LUZP1: variants seen among roughly 807,000 people sequenced by gnomAD.
The protein encoded by LUZP1 is filamin mechanobinding actin cross-linking protein.
Under a neutral mutation model 71.3 loss-of-function variants are expected in LUZP1, and 25 were observed. That is an observed-to-expected ratio of 0.35 (90% CI 0.26 to 0.49). The LOEUF (loss-of-function observed/expected upper bound fraction) is 0.49, where lower values mean the gene tolerates loss of function less well. LUZP1 is among the 20% of genes least tolerant of loss of function. LUZP1 has a pLI of 0.99. For synonymous variants in LUZP1, 481 were observed against 506.4 expected, an observed-to-expected ratio of 0.95 and a Z score of 0.67; for missense variants, 1,142 against 1,300.8, an observed-to-expected ratio of 0.88 and a Z score of 1.88.
rs527808055 is a variant in LUZP1, at chr1:23,107,692, C to T, written c.-120+1330G>A. ...TGGCACACACCTGTAATCCCAGCTA[C>T]TCGGGAGGCTGAGACAGGAGAATCG... On this transcript the variant is annotated intron_variant, in intron 3 of 4. Transcript: ENST00000302291. Among the ~76,000 whole-genome samples, 3 of 152,270 alleles carry T rather than the reference C, an allele frequency of 2.0e-5. No homozygotes were observed. In the South Asian group the frequency reaches 6.3e-4, roughly 32 times the overall value.
At chr1:23,086,343 C>T (rs1643765928) in exon 5 of LUZP1, 1 of 152,612 alleles carries the variant, frequency 6.6e-6, no homozygotes, top group Admixed American at 6.5e-5. Flanking sequence ...ACAAAATATC[C>T]TGAAATAACT....
chr1:23,159,987 AAAAAAC>A (rs566920235), intron 2 of LUZP1, among the ~76,000 whole-genome samples: 4 of 152,326 alleles, frequency 2.6e-5, no homozygotes, highest in South Asian at 4.1e-4. Flanking sequence ...ATTCCGTCTC[AAAAAAC>A]AAAAACAAAA....
At chr1:23,145,595 G>C (rs1349521385) in intron 2 of LUZP1, among the ~76,000 whole-genome samples, 2 of 151,240 alleles carry the variant, frequency 1.3e-5, no homozygotes, top group Non-Finnish European at 2.9e-5. Context: ...TCAGCCTCCT[G>C]AGTAGGTGGG....
At chr1:23,101,675 T>C (rs1643932509) in intron 3 of LUZP1, among the ~76,000 whole-genome samples, 1 of 152,170 alleles carries the variant, frequency 6.6e-6, no homozygotes, top group Non-Finnish European at 1.5e-5. Flanking sequence ...AACAAGGAAC[T>C]AGACTGAAAA....
chr1:23,172,586 C>T (rs998337142), intron 1 of LUZP1, among the ~76,000 whole-genome samples: 2 of 151,436 alleles, frequency 1.3e-5, no homozygotes, highest in African/African-American at 4.9e-5. Context: ...ACGATCTGGG[C>T]TCACTGCAAT....
chr1:23,100,382 T>C (rs1643921305), intron 3 of LUZP1, among the ~76,000 whole-genome samples: 1 of 152,212 alleles, frequency 6.6e-6, no homozygotes, highest in African/African-American at 2.4e-5. Context: ...CCTGTGGTAA[T>C]GCTCTGAATG....
chr1:23,085,219 A>G (rs1055845148), exon 5 of LUZP1: 5 of 152,570 alleles, frequency 3.3e-5, no homozygotes, highest in African/African-American at 7.2e-5. Flanking sequence ...GTAGGTGTGG[A>G]CCAACAGGCT....
chr1:23,169,179 C>A (rs533430893), intron 1 of LUZP1, among the ~76,000 whole-genome samples: 2 of 152,082 alleles, frequency 1.3e-5, no homozygotes, highest in East Asian at 3.9e-4. Context: ...GGCAACATGG[C>A]GAAACCCCAT....
intron 2 of LUZP1, chr1:23,140,627 AAGG>A (rs1557674635): frequency 6.6e-6 from 1 of 152,134 alleles, no homozygotes; most frequent in Non-Finnish European, 1.5e-5. Context: ...CTGGACCACC[AAGG>A]AGGAGGGCAT....
At chr1:23,153,609 T>C (rs1258679511) in intron 2 of LUZP1, among the ~76,000 whole-genome samples, 3 of 152,240 alleles carry the variant, frequency 2.0e-5, no homozygotes, top group Non-Finnish European at 4.4e-5. Flanking sequence ...AAGGCTAAAT[T>C]ATTCAACATG....
At chr1:23,111,067 A>G (rs1483798900) in intron 2 of LUZP1, among the ~76,000 whole-genome samples, 1 of 151,910 alleles carries the variant, frequency 6.6e-6, no homozygotes, top group Non-Finnish European at 1.5e-5. Context: ...GGGCATGGTG[A>G]CATGTGCCTA....
chr1:23,112,082 CTGATT>C (rs918594327), intron 2 of LUZP1, among the ~76,000 whole-genome samples: 5 of 152,164 alleles, frequency 3.3e-5, no homozygotes, highest in African/African-American at 9.7e-5. Flanking sequence ...CCAGCTAATC[CTGATT>C]TGTTTTCAAC....
intron 2 of LUZP1, among the ~76,000 whole-genome samples, chr1:23,127,919 T>C (rs1166172678): frequency 6.6e-6 from 1 of 151,944 alleles, no homozygotes; most frequent in Non-Finnish European, 1.5e-5. Context: ...GACCAAGAGG[T>C]CAGGAGTTCG....
At chr1:23,127,525 T>C (rs1463823659) in intron 2 of LUZP1, among the ~76,000 whole-genome samples, 1 of 152,148 alleles carries the variant, frequency 6.6e-6, no homozygotes, top group African/African-American at 2.4e-5. Context: ...GTTTTTTGTT[T>C]TGTTTTGTTT....
intron 2 of LUZP1, among the ~76,000 whole-genome samples, chr1:23,163,662 A>G (rs184336625): frequency 1.3e-3 from 202 of 152,272 alleles, no homozygotes; most frequent in Non-Finnish European, 2.2e-3. Flanking sequence ...AGAAATTAAG[A>G]AAGTCATAGA....
At chr1:23,141,514 A>G (rs2124708241) in intron 2 of LUZP1, among the ~76,000 whole-genome samples, 1 of 152,144 alleles carries the variant, frequency 6.6e-6, no homozygotes, top group Non-Finnish European at 1.5e-5. Flanking sequence ...AGGGAGTGAG[A>G]GCACCCAAGG....
At chr1:23,129,046 T>A (rs1391699787) in intron 2 of LUZP1, among the ~76,000 whole-genome samples, 5 of 152,222 alleles carry the variant, frequency 3.3e-5, no homozygotes, top group Non-Finnish European at 7.3e-5. Context: ...TCCTAATGAA[T>A]GTCACAAAGT....
At chr1:23,161,444 C>T (rs1644465567) in intron 2 of LUZP1, among the ~76,000 whole-genome samples, 1 of 152,100 alleles carries the variant, frequency 6.6e-6, no homozygotes, top group South Asian at 2.1e-4. Context: ...TACAAAGGCC[C>T]TGAGGTAGGA....
At chr1:23,135,694 C>T (rs1403790001) in intron 2 of LUZP1, among the ~76,000 whole-genome samples, 1 of 152,130 alleles carries the variant, frequency 6.6e-6, no homozygotes, top group Non-Finnish European at 1.5e-5. Context: ...CTTAGAGATA[C>T]ATGTAACTGT....
Sources: gnomAD v4.1 joint callset for allele counts (sites outside exome capture counted in the v4.1 genomes callset) on GRCh38, gnomAD v4.1.1 for gene constraint, MANE v1.5 for transcripts, NCBI Gene and HGNC (gene_info 2026-07-23, HGNC 2026-07-21) for gene names.